KIF21A: variants seen among roughly 807,000 people sequenced by gnomAD.
KIF21A encodes kinesin family member 21A.
Under a neutral mutation model 202.9 loss-of-function variants are expected in KIF21A, and 114 were observed. That is an observed-to-expected ratio of 0.56 (90% CI 0.48 to 0.66). The LOEUF is 0.66. Among genes scored for constraint, KIF21A ranks in the 30% least tolerant of loss-of-function variants. The pLI, the probability that KIF21A is intolerant of heterozygous loss-of-function variation, is 0.00. For missense variants in KIF21A, 1,677 were observed against 1,994.9 expected, an observed-to-expected ratio of 0.84 and a Z score of 3.04; for synonymous variants, 667 against 670.8, an observed-to-expected ratio of 0.99 and a Z score of 0.09.
Position 39,303,114 on chromosome 12 carries a change from C to T in KIF21A, c.4582G>A (p.Ala1528Thr). Residue 1528 changes from alanine (A) to threonine (T), a missense_variant, in exon 36 of 38, where the codon GCT becomes ACT. Around this residue, in one of 3 missense-constraint regions of KIF21A, gnomAD observed 705 missense variants for 791.9 expected, o/e 0.89. Coordinates refer to ENST00000361418, the MANE Select transcript of KIF21A (RefSeq NM_001173464.2). ...TGGGTGGGACTCACAGTCCCAAGAG[C>T]TCCTTCTGTAACATCAAACATCTAA... Reference protein sequence around the residue: ...YIKMFDVTEGALGTVSPTHNF... With the variant: ...YIKMFDVTEGTLGTVSPTHNF... The T allele has an allele frequency of 1.9e-6, 3 of 1,614,032 alleles. No individual in the cohort carries two copies. The highest frequency in any genetic ancestry group is 1.1e-5 in the South Asian group (1 of 91,086).
intron 31 of KIF21A, among the ~76,000 whole-genome samples, chr12:39,314,435 C>G (rs1944318811): frequency 1.3e-5 from 2 of 151,850 alleles, no homozygotes; most frequent in South Asian, 4.1e-4. Context: ...ATCAAATTTA[C>G]ACATATTTCT....
At chr12:39,311,683 T>G in intron 31 of KIF21A, 130 bp from the exon 32 acceptor site, 1 of 874,556 alleles carries the variant, frequency 1.1e-6, no homozygotes, top group Non-Finnish European at 1.8e-6. Flanking sequence ...AAATCCAGAC[T>G]GCTCTCTTTT....
intron 15 of KIF21A, 56 bp downstream of exon 15, chr12:39,340,850 A>G: frequency 1.6e-6 from 2 of 1,258,630 alleles, no homozygotes; most frequent in South Asian, 2.5e-5. Context: ...GAAAAGATAA[A>G]AACCCATTTT....
At chr12:39,423,853 G>A (rs148856675) in intron 1 of KIF21A, among the ~76,000 whole-genome samples, 7,132 of 151,566 alleles carry the variant, frequency 0.047, 235 homozygotes, top group African/African-American at 0.097. Context: ...GCATGGTGGC[G>A]CATGCCTGTA....
At chr12:39,403,480 T>C (rs1952339008) in intron 1 of KIF21A, among the ~76,000 whole-genome samples, 1 of 152,222 alleles carries the variant, frequency 6.6e-6, no homozygotes, top group African/African-American at 2.4e-5. Flanking sequence ...GATAACTTAA[T>C]ATGGTTTGAT....
chr12:39,416,844 G>T (rs1011121407), intron 1 of KIF21A, among the ~76,000 whole-genome samples: 58 of 125,448 alleles, frequency 4.6e-4, no homozygotes, highest in African/African-American at 1.5e-3. Flanking sequence ...TGTATATATA[G>T]ATATGTACAT....
At chr12:39,409,835 CTT>C (rs755068673) in intron 1 of KIF21A, among the ~76,000 whole-genome samples, 19 of 134,766 alleles carry the variant, frequency 1.4e-4, no homozygotes, top group Admixed American at 3.0e-4. Context: ...AAGAAGCTGG[CTT>C]TTTTTTTTTT....
chr12:39,374,786 A>G (rs1013238095), intron 1 of KIF21A, among the ~76,000 whole-genome samples: 8 of 152,170 alleles, frequency 5.3e-5, no homozygotes, highest in Non-Finnish European at 7.4e-5. Flanking sequence ...TTTCTAATCT[A>G]TGAGGAGCCT....
intron 34 of KIF21A, 69 bp downstream of exon 34, chr12:39,307,496 A>C: frequency 6.8e-7 from 1 of 1,470,086 alleles, no homozygotes; most frequent in Non-Finnish European, 9.5e-7. Context: ...TTTCACATGC[A>C]CTAATGTTAT....
At chr12:39,308,935 T>A (rs367925283) in intron 33 of KIF21A, among the ~76,000 whole-genome samples, 1 of 152,196 alleles carries the variant, frequency 6.6e-6, no homozygotes, top group African/African-American at 2.4e-5. Flanking sequence ...TTATGCTCCC[T>A]TCTCTCATTT....
chr12:39,353,646 G>A (rs955696628), intron 10 of KIF21A, among the ~76,000 whole-genome samples: 1 of 151,922 alleles, frequency 6.6e-6, no homozygotes, highest in Admixed American at 6.6e-5. Context: ...TATTTTAATT[G>A]TCTCCTTTAT....
intron 1 of KIF21A, among the ~76,000 whole-genome samples, chr12:39,389,407 TC>T (rs1951187431): frequency 6.6e-6 from 1 of 152,132 alleles, no homozygotes; most frequent in Non-Finnish European, 1.5e-5. Context: ...ACAAATTAGC[TC>T]AAAGGAACAA....
intron 21 of KIF21A, 196 bp from the exon 22 acceptor site, chr12:39,331,987 G>T (rs1946548528): frequency 6.0e-6 from 4 of 666,010 alleles, no homozygotes; most frequent in Non-Finnish European, 1.1e-5. Context: ...AGAATTCAAG[G>T]TGGGATGTAA....
At chr12:39,335,409 T>A (rs1320618737) in intron 17 of KIF21A, among the ~76,000 whole-genome samples, 6 of 80,402 alleles carry the variant, frequency 7.5e-5, no homozygotes, top group East Asian at 3.4e-4. Context: ...AGACTCTGTC[T>A]CAAAAAAAAA....
At chr12:39,299,824 A>G (rs1942795689) in intron 37 of KIF21A, among the ~76,000 whole-genome samples, 1 of 152,116 alleles carries the variant, frequency 6.6e-6, no homozygotes, top group African/African-American at 2.4e-5. Context: ...AGCTGAGACT[A>G]TTATCCTTAG....
intron 1 of KIF21A, among the ~76,000 whole-genome samples, chr12:39,415,053 G>A (rs1592636187): frequency 6.6e-6 from 1 of 151,188 alleles, no homozygotes; most frequent in South Asian, 2.1e-4. Flanking sequence ...CTGTGGACAA[G>A]CCTAATGAAG....
chr12:39,387,934 G>C (rs535385423), intron 1 of KIF21A, among the ~76,000 whole-genome samples: 29 of 152,248 alleles, frequency 1.9e-4, no homozygotes, highest in African/African-American at 6.3e-4. Context: ...TAGGTATATG[G>C]TACCCTCTTT....
chr12:39,442,905 G>A lies in KIF21A; in HGVS notation c.44+22C>T, dbSNP rs1447408965. On this transcript the variant is annotated intron_variant, in intron 1 of 37. Coordinates refer to ENST00000361418, the MANE Select transcript of KIF21A (RefSeq NM_001173464.2). The surrounding 1 kb of genome is among the most constrained non-coding windows in gnomAD (Gnocchi z 5.0). ...GCCCTCAACCCGCCGCCCGCCGCCC[G>A]CCGCCGGCAGACTGTCCTCACCTGA... is the stretch of plus-strand genomic sequence containing the variant. 2 of 1,523,296 alleles carry A rather than the reference G, an allele frequency of 1.3e-6. No individual in the cohort carries two copies. The highest frequency in any genetic ancestry group is 1.8e-6 in the Non-Finnish European group (2 of 1,142,192). 94.4% of individuals were successfully genotyped at this position (1,523,296 alleles called of 1,614,324 possible). A position where few individuals can be genotyped will look rare whatever the true frequency, so the allele number is the denominator to read the frequency against.
chr12:39,395,940 C>T (rs564412896), intron 1 of KIF21A, among the ~76,000 whole-genome samples: 1 of 151,980 alleles, frequency 6.6e-6, no homozygotes, highest in African/African-American at 2.4e-5. Flanking sequence ...AAACACCCCA[C>T]TCCAGCAATA....
Sources: gnomAD v4.1 joint callset for allele counts (sites outside exome capture counted in the v4.1 genomes callset) on GRCh38, gnomAD v4.1.1 for gene constraint, gnomAD v4.1.1 regional missense constraint, Gnocchi (gnomAD v3.1) non-coding constraint, MANE v1.5 for transcripts, NCBI Gene and HGNC (gene_info 2026-07-23, HGNC 2026-07-21) for gene names.